The following KIAA1755 variants were observed in gnomAD, a reference collection of about 807,000 sequenced individuals.
The protein encoded by KIAA1755 is uncharacterized protein KIAA1755.
In KIAA1755, 68 loss-of-function variants were observed where a neutral mutation model predicts 91.7. The ratio of observed to expected loss-of-function variants is 0.74; its 90% CI spans 0.61 to 0.91. The LOEUF (loss-of-function observed/expected upper bound fraction) is 0.91. Among genes scored for constraint, KIAA1755 ranks in the 40% least tolerant of loss-of-function variants. KIAA1755 has a pLI of 0.00. For synonymous variants in KIAA1755, 610 were observed against 604.6 expected (o/e 1.01, Z -0.13); for missense variants, 1,535 against 1,494.4 (o/e 1.03, Z -0.45).
intron 7 of KIAA1755, among the ~76,000 whole-genome samples, chr20:38,226,255 T>C (rs1212651794): frequency 3.9e-5 from 6 of 152,208 alleles, no homozygotes; most frequent in Admixed American, 3.9e-4. Flanking sequence ...ATGGAAGAAC[T>C]AGGTGACTGC....
chr20:38,212,724 C>G lies in KIAA1755; in HGVS notation c.*318G>C, dbSNP rs41310811. The G allele has an allele frequency of 4.1e-6, 1 of 242,048 alleles. No individual in the cohort carries two copies. Among genetic ancestry groups the G allele is most frequent in the Non-Finnish European group, 8.0e-6 (1 of 124,896 alleles). The allele number at this position is 242,048 out of a possible 1,614,324, so 15.0% of individuals were successfully genotyped here. On this transcript the variant is annotated 3_prime_UTR_variant, in exon 14 of 14. Transcript: ENST00000279024. ...AGGTGGGTGTCTGCCTGCCTGCGAG[C>G]GAGACCTCTGGAGGGGTCTGTGCCG...
At chr20:38,252,776 A>G (rs974705936) in intron 1 of KIAA1755, among the ~76,000 whole-genome samples, 4 of 152,326 alleles carry the variant, frequency 2.6e-5, no homozygotes, top group African/African-American at 9.6e-5. Flanking sequence ...GTAAAAAGGA[A>G]GTATGTTCCG....
chr20:38,226,861 G>T (rs924394982), intron 7 of KIAA1755, among the ~76,000 whole-genome samples: 3 of 152,208 alleles, frequency 2.0e-5, no homozygotes, highest in African/African-American at 4.8e-5. Context: ...TGGACCAGAT[G>T]AAGCTTTTCA....
In KIAA1755 at chr20:38,228,213, C is replaced by T. The variant is rs770941098; in HGVS notation, c.1899G>A (p.Ala633=). 17 of 1,602,808 alleles carry T rather than the reference C, an allele frequency of 1.1e-5. No individual in the cohort carries two copies. Among genetic ancestry groups the T allele is most frequent in the African/African-American group, 5.4e-5 (4 of 74,728 alleles). The change falls in exon 6 of 14, where the codon GCG becomes GCA. Residue 633 remains alanine, a synonymous_variant. Coordinates refer to ENST00000279024, the MANE Select transcript of KIAA1755 (RefSeq NM_001029864.2). ...GCTGTCTCCTGGCGTCAATCAGGAC[C>T]GCCAGCCCCTTGGCTTTATCTTCAG... ...PRPEDKAKGL[A]VLIDARRQPP... is the part of the protein sequence containing the mutation.
rs1207290183 is a variant in KIAA1755 at position 38,225,652 on chromosome 20, T to G, written c.2169+13A>C. 1.3e-6 allele frequency: 2 copies of G among 1,539,280 alleles called. No individual in the cohort carries two copies. The highest frequency in any genetic ancestry group is 3.3e-5 in the Admixed American group (2 of 59,916). Reference sequence around the variant, plus strand: ...AGTGGGGGTCAGGGGCTAAAGGCTGTGACGGTAAACACCTGGAAGAAATGA... The same window carrying G: ...AGTGGGGGTCAGGGGCTAAAGGCTGGGACGGTAAACACCTGGAAGAAATGA... On this transcript the variant is annotated intron_variant, in intron 8 of 13. Transcript: ENST00000279024.
chr20:38,217,100 A>C (rs1424619470), intron 13 of KIAA1755, 153 bp downstream of exon 13: 3 of 606,442 alleles, frequency 4.9e-6, no homozygotes, highest in South Asian at 1.9e-5. Context: ...TGTCTGTGCA[A>C]GTGGGTGGGG....
chr20:38,216,947 A>T, intron 13 of KIAA1755: 1 of 625,994 alleles, frequency 1.6e-6, no homozygotes, highest in South Asian at 1.5e-5. Context: ...GGTACCACAG[A>T]CACATCTATG....
intron 4 of KIAA1755, among the ~76,000 whole-genome samples, chr20:38,232,535 T>A (rs1031752372): frequency 8.0e-5 from 12 of 149,222 alleles, no homozygotes; most frequent in African/African-American, 3.0e-4. Flanking sequence ...GGCTGAGGCA[T>A]GAGAATGGCG....
chr20:38,251,890 T>C (rs1268305233), intron 1 of KIAA1755, among the ~76,000 whole-genome samples: 1 of 152,160 alleles, frequency 6.6e-6, no homozygotes, highest in Non-Finnish European at 1.5e-5. Context: ...AGTATCATTT[T>C]CGTCAAGTAA....
At chr20:38,231,637 A>G (rs1024134246) in intron 4 of KIAA1755, among the ~76,000 whole-genome samples, 1 of 151,944 alleles carries the variant, frequency 6.6e-6, no homozygotes, top group Non-Finnish European at 1.5e-5. Flanking sequence ...CTCTGCAGTG[A>G]CTCACTGTGT....
rs1450814186 is a variant in KIAA1755, at chr20:38,260,490, C to T, written c.3+8G>A. 6.7e-7 allele frequency: 1 copy of T among 1,488,424 alleles called. No individual in the cohort carries two copies. The highest frequency in any genetic ancestry group is 8.9e-7 in the Non-Finnish European group (1 of 1,120,804). 92.2% of individuals were successfully genotyped at this position (1,488,424 alleles called of 1,614,324 possible). A position where few individuals can be genotyped will look rare whatever the true frequency, so the allele number is the denominator to read the frequency against. ...CAGAGCGAGGTGGTCCAGGCCTTGG[C>T]GCGTTACCATGGTGACGGGCTGCCA... On this transcript the variant is annotated splice_region_variant and intron_variant, in intron 1 of 13. Transcript: ENST00000279024.
At position 38,248,859 on chromosome 20, in the gene KIAA1755, C is replaced by T. The variant is rs1461151455; in HGVS notation, c.4-2733G>A. ...TACAGGGATGAGCCACCGTGCTTGGCCTTTTTGTTTGTTTGTTTGTTTGTT... is the reference window on the plus strand; with the variant it reads ...TACAGGGATGAGCCACCGTGCTTGGTCTTTTTGTTTGTTTGTTTGTTTGTT... On this transcript the variant is annotated intron_variant, in intron 1 of 13. Transcript: ENST00000279024. Among the ~76,000 whole-genome samples, 5 of 129,118 alleles carry T rather than the reference C, an allele frequency of 3.9e-5. No homozygotes were observed. In the East Asian group the frequency reaches 1.1e-3, roughly 27 times the overall value. The allele number at this position is 129,118 out of a possible 152,430, so 84.7% of individuals were successfully genotyped here.
At chr20:38,247,852 G>C (rs951304113) in intron 1 of KIAA1755, among the ~76,000 whole-genome samples, 4 of 152,236 alleles carry the variant, frequency 2.6e-5, no homozygotes, top group African/African-American at 9.6e-5. Flanking sequence ...ACTCTGGGAA[G>C]CTGAGGTGGG....
intron 3 of KIAA1755, among the ~76,000 whole-genome samples, chr20:38,240,139 T>C (rs1232154272): frequency 2.6e-5 from 4 of 152,162 alleles, no homozygotes; most frequent in African/African-American, 4.8e-5. Context: ...CCTTCTTTTC[T>C]TTCTTTCTTG....
chr20:38,241,969 G>A, intron 2 of KIAA1755, 40 bp from the exon 3 acceptor site: 1 of 1,578,434 alleles, frequency 6.3e-7, no homozygotes, highest in Non-Finnish European at 8.6e-7. Context: ...ACCTGGCCCT[G>A]AAAGGCTCCA....
At chr20:38,233,505 G>A (rs1169972787) in intron 4 of KIAA1755, 1 of 152,090 alleles carries the variant, frequency 6.6e-6, no homozygotes, top group Admixed American at 6.5e-5. Flanking sequence ...CACATACCTG[G>A]GTCCATTTTG....
rs77242608 is a variant in KIAA1755 at position 38,241,177 on chromosome 20, T to C, written c.954A>G (p.Gln318=). The change falls in exon 3 of 14, where the codon CAA becomes CAG. Residue 318 remains glutamine, a synonymous_variant. Transcript: ENST00000279024. Reference sequence around the variant, plus strand: ...TGGCCTCTGAGAGAGGCAGTATCTTTTGAAATAAGGGAGTTTCCTTAGTTC... The same window carrying C: ...TGGCCTCTGAGAGAGGCAGTATCTTCTGAAATAAGGGAGTTTCCTTAGTTC... ...IAGTKETPLF[Q]KILPLSEANE... The C allele has an allele frequency of 6.2e-7, 1 of 1,614,198 alleles. No individual in the cohort carries two copies. The highest frequency in any genetic ancestry group is 8.5e-7 in the Non-Finnish European group (1 of 1,180,038).
intron 9 of KIAA1755, chr20:38,222,860 C>G (rs2075687232): frequency 1.8e-6 from 1 of 564,194 alleles, no homozygotes; most frequent in Non-Finnish European, 3.2e-6. Context: ...CCCTCTGGCT[C>G]CCCCTACAGT....
At position 38,244,392 on chromosome 20, in the gene KIAA1755, C is replaced by T. The variant is rs371705832; in HGVS notation, c.201+1537G>A. The stretch of plus-strand genomic sequence containing the variant: ...ATGTAAAATAGATTATCTCACTTTC[C>T]TTCTGGTTCCTAACCCTGGACTTTT... On this transcript the variant is annotated intron_variant, in intron 2 of 13. Coordinates refer to ENST00000279024, the MANE Select transcript of KIAA1755 (RefSeq NM_001029864.2). Among the ~76,000 whole-genome samples, 3 of 152,338 alleles carry T rather than the reference C, an allele frequency of 2.0e-5. No individual in the cohort carries two copies. In the East Asian group the frequency reaches 5.8e-4, roughly 29 times the overall value.
Sources: allele counts gnomAD v4.1 joint callset (sites outside exome capture counted in the v4.1 genomes callset), GRCh38; gene constraint gnomAD v4.1.1; transcripts MANE v1.5; gene names NCBI Gene and HGNC (gene_info 2026-07-23, HGNC 2026-07-21).